The following TTC29 variants were observed in gnomAD, a reference collection of about 807,000 sequenced individuals.
TTC29 encodes tetratricopeptide repeat protein 29.
TTC29 carries 49 observed loss-of-function variants against 58.1 expected under a neutral mutation model. The ratio of observed to expected loss-of-function variants is 0.84; its 90% CI spans 0.67 to 1.07. The LOEUF is 1.07. Among genes scored for constraint, TTC29 ranks in the 50% least tolerant of loss-of-function variants. The pLI, the probability that TTC29 is intolerant of heterozygous loss-of-function variation, is 0.00. For missense variants in TTC29, 582 were observed against 555.6 expected, an observed-to-expected ratio of 1.05 and a Z score of -0.48; for synonymous variants, 209 against 196.8, an observed-to-expected ratio of 1.06 and a Z score of -0.52.
intron 4 of TTC29, among the ~76,000 whole-genome samples, chr4:146,909,985 C>T (rs1733787172): frequency 6.6e-6 from 1 of 152,032 alleles, no homozygotes; most frequent in South Asian, 2.1e-4. Context: ...AATTTCAAAT[C>T]ACGAAAATTT....
chr4:146,794,418 A>ATAGTT (rs1175450873), intron 11 of TTC29, among the ~76,000 whole-genome samples: 2 of 152,150 alleles, frequency 1.3e-5, no homozygotes, highest in African/African-American at 4.8e-5. Context: ...TTCCTCTTGC[A>ATAGTT]TAGTTTATTT....
intron 11 of TTC29, among the ~76,000 whole-genome samples, chr4:146,779,088 C>G (rs1748371263): frequency 6.7e-6 from 1 of 149,712 alleles, no homozygotes; most frequent in Non-Finnish European, 1.5e-5. Context: ...GAACTTAAAT[C>G]TGAAGTATAC....
intron 11 of TTC29, among the ~76,000 whole-genome samples, chr4:146,734,911 G>T (rs1001501629): frequency 3.9e-5 from 6 of 151,930 alleles, no homozygotes; most frequent in African/African-American, 1.5e-4. Flanking sequence ...GGTCACCCAT[G>T]GTATGAAGCC....
intron 2 of TTC29, among the ~76,000 whole-genome samples, chr4:146,940,836 G>A (rs1580047132): frequency 6.6e-6 from 1 of 152,074 alleles, no homozygotes; most frequent in East Asian, 1.9e-4. Context: ...CCCCTTTTAG[G>A]GTCTAACCTT....
chr4:146,841,418 C>CT (rs1042381744), intron 8 of TTC29, among the ~76,000 whole-genome samples: 270 of 152,160 alleles, frequency 1.8e-3, no homozygotes, highest in African/African-American at 6.3e-3. Flanking sequence ...TGCTCTCTGG[C>CT]TGGTGACCTT....
At chr4:146,766,358 G>A (rs1579625930) in intron 11 of TTC29, among the ~76,000 whole-genome samples, 1 of 151,998 alleles carries the variant, frequency 6.6e-6, no homozygotes, top group East Asian at 1.9e-4. Context: ...CATTTGTTAT[G>A]ATTTTCATAG....
intron 6 of TTC29, among the ~76,000 whole-genome samples, chr4:146,883,096 A>G (rs1347155156): frequency 6.6e-6 from 1 of 152,078 alleles, no homozygotes; most frequent in Non-Finnish European, 1.5e-5. Flanking sequence ...GTGGTGAATC[A>G]ATGTCCAAAG....
intron 11 of TTC29, among the ~76,000 whole-genome samples, chr4:146,710,530 C>T (rs144222586): frequency 8.5e-4 from 129 of 152,204 alleles, no homozygotes; most frequent in African/African-American, 2.8e-3. Context: ...GGTACTCACT[C>T]GCCACAGGAC....
At chr4:146,820,279 G>A (rs1751728183) in intron 9 of TTC29, 31 bp from the exon 10 acceptor site, 1 of 1,599,956 alleles carries the variant, frequency 6.3e-7, no homozygotes, top group Admixed American at 1.7e-5. Context: ...AGTCAATGGA[G>A]TATCATCTCA....
At chr4:146,756,407 C>T (rs1746455146) in intron 11 of TTC29, among the ~76,000 whole-genome samples, 1 of 151,934 alleles carries the variant, frequency 6.6e-6, no homozygotes, top group Non-Finnish European at 1.5e-5. Flanking sequence ...TTAGCAAAAA[C>T]AGAATAAAAT....
chr4:146,845,124 A>G (rs563802598), intron 8 of TTC29, among the ~76,000 whole-genome samples: 1 of 152,296 alleles, frequency 6.6e-6, no homozygotes, highest in East Asian at 1.9e-4. Flanking sequence ...TTGCCACAGC[A>G]ATCTTCACAA....
chr4:146,843,506 A>C (rs1728981216), intron 8 of TTC29, among the ~76,000 whole-genome samples: 3 of 152,058 alleles, frequency 2.0e-5, no homozygotes, highest in Non-Finnish European at 4.4e-5. Context: ...CCTGAAGTGG[A>C]GGCTGTATGG....
At chr4:146,768,345 T>C (rs1190894809) in intron 11 of TTC29, among the ~76,000 whole-genome samples, 2 of 151,896 alleles carry the variant, frequency 1.3e-5, no homozygotes, top group African/African-American at 2.4e-5. Flanking sequence ...ACTCCAACCA[T>C]CAGTAGGTAA....
chr4:146,828,278 T>C (rs1035796406), intron 9 of TTC29, among the ~76,000 whole-genome samples: 95 of 152,256 alleles, frequency 6.2e-4, no homozygotes, highest in African/African-American at 2.3e-3. Context: ...AACTAAAAGT[T>C]ATTGAGAGAA....
chr4:146,712,322 G>A (rs919873589), intron 11 of TTC29, among the ~76,000 whole-genome samples: 2 of 152,016 alleles, frequency 1.3e-5, no homozygotes, highest in African/African-American at 4.8e-5. Flanking sequence ...ATCACATTAC[G>A]AAAGCTGTCC....
At chr4:146,762,919 G>C (rs1747016283) in intron 11 of TTC29, among the ~76,000 whole-genome samples, 1 of 151,934 alleles carries the variant, frequency 6.6e-6, no homozygotes, top group Non-Finnish European at 1.5e-5. Flanking sequence ...TTTCAACTTT[G>C]AGCTGCAATT....
At position 146,796,976 on chromosome 4, in the gene TTC29, C is replaced by T. The variant is rs905173017; in HGVS notation, c.1330+6481G>A. 2.0e-5 allele frequency among the ~76,000 whole-genome samples: 3 copies of T among 151,942 alleles called. No homozygotes were observed. The South Asian group carries it at 6.3e-4, about 32-fold the overall frequency. ...ATCAAAATATATCACCCACCCTTAG[C>T]CAGGTAAAGTTTGTGTAATCTAAGA... On this transcript the variant is annotated intron_variant, in intron 11 of 12. Coordinates refer to ENST00000325106, the MANE Select transcript of TTC29 (RefSeq NM_031956.4).
At chr4:146,838,954 T>G (rs1728678515) in intron 8 of TTC29, among the ~76,000 whole-genome samples, 1 of 152,034 alleles carries the variant, frequency 6.6e-6, no homozygotes, top group African/African-American at 2.4e-5. Context: ...GGCCTACCTT[T>G]TCCAAATTAG....
chr4:146,745,963 CA>C (rs1745509775), intron 11 of TTC29, among the ~76,000 whole-genome samples: 2 of 152,164 alleles, frequency 1.3e-5, no homozygotes, highest in South Asian at 4.1e-4. Context: ...ATGCCACAAC[CA>C]CAACAGGAAA....
Sources: gnomAD v4.1 joint callset for allele counts (sites outside exome capture counted in the v4.1 genomes callset) on GRCh38, gnomAD v4.1.1 for gene constraint, MANE v1.5 for transcripts, NCBI Gene and HGNC (gene_info 2026-07-23, HGNC 2026-07-21) for gene names.